TTPA: variants seen among roughly 807,000 people sequenced by gnomAD.
TTPA encodes the protein alpha-tocopherol transfer protein.
Under a neutral mutation model 25.9 loss-of-function variants are expected in TTPA, and 23 were observed. That is an observed-to-expected ratio of 0.89 (90% CI 0.64 to 1.26). The LOEUF (loss-of-function observed/expected upper bound fraction) is 1.26, where lower values mean the gene tolerates loss of function less well. Ranked by LOEUF, TTPA falls within the 50% of genes most tolerant of loss-of-function variation. The probability of loss-of-function intolerance (pLI) is 0.00; values close to 1 mark genes in which losing one functional copy is unlikely to be tolerated. For synonymous variants in TTPA, 148 were observed against 137.3 expected, an observed-to-expected ratio of 1.08 and a Z score of -0.54; for missense variants, 337 against 353.1, an observed-to-expected ratio of 0.95 and a Z score of 0.37.
At chr8:63,066,194 T>A in intron 2 of TTPA, 97 bp from the exon 3 acceptor site, 1 of 1,255,856 alleles carries the variant, frequency 8.0e-7, no homozygotes, top group Admixed American at 2.0e-5. Context: ...AAAGATCAGT[T>A]GAAATAAAAA....
Position 63,061,390 on chromosome 8 carries a change from C to T in TTPA, c.699G>A (p.Leu233=). Residue 233 remains leucine (L), a synonymous_variant, in exon 5 of 5, where the codon TTG becomes TTA. Transcript: ENST00000260116. The part of the protein sequence containing the change: ...HMHGNNYKQS[L]LQHFPDILPL... ...GAAGAATGTCTGGGAAATGCTGAAG[C>T]AAGCTTTGTTTGTAGTTGTTCCCAT... The T allele has an allele frequency of 1.2e-6, 2 of 1,613,998 alleles. No homozygotes were observed. Among genetic ancestry groups the T allele is most frequent in the African/African-American group, 2.7e-5 (2 of 75,050 alleles).
chr8:63,073,127 A>G (rs1286458484), intron 1 of TTPA, 39 bp from the exon 2 acceptor site: 4 of 1,510,588 alleles, frequency 2.6e-6, no homozygotes, highest in Non-Finnish European at 3.6e-6. Flanking sequence ...AATGGCATAC[A>G]TGGTAATGAT....
chr8:63,059,166 G>A (rs1029711550), downstream of TTPA, among the ~76,000 whole-genome samples: 9 of 148,174 alleles, frequency 6.1e-5, no homozygotes, highest in Non-Finnish European at 1.2e-4. Context: ...CAAGTAGCTG[G>A]GACTACAGGC....
intron 1 of TTPA, among the ~76,000 whole-genome samples, chr8:63,082,245 T>TA (rs1197105241): frequency 1.3e-5 from 2 of 152,098 alleles, no homozygotes; most frequent in Non-Finnish European, 2.9e-5. Context: ...CAAACTACGC[T>TA]ACAAGGCTAC....
chr8:63,073,357 T>A (rs929314524), intron 1 of TTPA, among the ~76,000 whole-genome samples: 1 of 152,166 alleles, frequency 6.6e-6, no homozygotes, highest in African/African-American at 2.4e-5. Context: ...CCTCCCCTCC[T>A]GATACCCATG....
Position 63,059,562 on chromosome 8 carries a change from C to A in TTPA, c.*1690G>T, listed in dbSNP as rs1260641575. On this transcript the variant is annotated 3_prime_UTR_variant, in exon 5 of 5. Transcript: ENST00000260116. ...TTAATGTATATGATTAATGTTGAAA[C>A]CTAACTAGCTGAACAAATGTTCAAC... Among the ~76,000 whole-genome samples, 1 of 152,020 alleles carries A rather than the reference C, an allele frequency of 6.6e-6. No homozygotes were observed. The highest frequency in any genetic ancestry group is 6.6e-5 in the Admixed American group (1 of 15,252).
At chr8:63,077,564 G>T (rs1274242899) in intron 1 of TTPA, among the ~76,000 whole-genome samples, 1 of 152,244 alleles carries the variant, frequency 6.6e-6, no homozygotes, top group Non-Finnish European at 1.5e-5. Context: ...CTGCTAGCGT[G>T]GCAGTCTGAG....
chr8:63,067,573 T>C (rs1224266936), intron 2 of TTPA, among the ~76,000 whole-genome samples: 3 of 151,046 alleles, frequency 2.0e-5, no homozygotes, highest in African/African-American at 7.3e-5. Flanking sequence ...AGTTCTGGCA[T>C]GGGAAACTGG....
chr8:63,081,308 T>C (rs1805660514), intron 1 of TTPA, among the ~76,000 whole-genome samples: 1 of 152,048 alleles, frequency 6.6e-6, no homozygotes, highest in Non-Finnish European at 1.5e-5. Context: ...CAAGTTGGCT[T>C]CATCCCTGGA....
intron 1 of TTPA, among the ~76,000 whole-genome samples, chr8:63,081,848 C>T (rs188655278): frequency 9.2e-5 from 14 of 152,120 alleles, no homozygotes; most frequent in East Asian, 3.9e-4. Context: ...ACACCAATAA[C>T]GGACAAACAG....
intron 4 of TTPA, among the ~76,000 whole-genome samples, chr8:63,063,395 G>T (rs1251977164): frequency 6.6e-6 from 1 of 152,136 alleles, no homozygotes; most frequent in Non-Finnish European, 1.5e-5. Flanking sequence ...CAGTATCTTT[G>T]CTCTAACTAG....
intron 3 of TTPA, among the ~76,000 whole-genome samples, chr8:63,065,640 A>G (rs1047721813): frequency 4.6e-5 from 7 of 152,198 alleles, no homozygotes; most frequent in Non-Finnish European, 1.0e-4. Context: ...TTAATGACAA[A>G]AAGATAAAGT....
At chr8:63,079,176 A>G (rs1174913359) in intron 1 of TTPA, among the ~76,000 whole-genome samples, 2 of 152,224 alleles carry the variant, frequency 1.3e-5, no homozygotes, top group Non-Finnish European at 2.9e-5. Context: ...AGAGCTCCTG[A>G]AAGAAGCATT....
At position 63,065,952 on chromosome 8, in the gene TTPA, A is replaced by G. The variant is rs766852761; in HGVS notation, c.504T>C (p.Ala168=). ...TGGCTACGGATGGAGTGATTTGAAA[A>G]GCATGAGAAAACTGCCAACCTTCCA... is the stretch of plus-strand genomic sequence containing the variant. ...FDLEGWQFSH[A]FQITPSVAKK... Residue 168 remains alanine, a synonymous_variant, in exon 3 of 5, where the codon GCT becomes GCC. Coordinates refer to ENST00000260116, the MANE Select transcript of TTPA (RefSeq NM_000370.3). 6.2e-7 allele frequency: 1 copy of G among 1,614,032 alleles called. No individual in the cohort carries two copies. The highest frequency in any genetic ancestry group is 8.5e-7 in the Non-Finnish European group (1 of 1,180,018).
At chr8:63,081,899 A>C (rs1563365876) in intron 1 of TTPA, among the ~76,000 whole-genome samples, 1 of 152,240 alleles carries the variant, frequency 6.6e-6, no homozygotes, top group African/African-American at 2.4e-5. Context: ...CAATTGCTAC[A>C]AACAGAATAA....
At chr8:63,074,128 T>C (rs980501048) in intron 1 of TTPA, among the ~76,000 whole-genome samples, 9 of 152,196 alleles carry the variant, frequency 5.9e-5, no homozygotes, top group Admixed American at 5.9e-4. Flanking sequence ...AAATGACAGA[T>C]TTTATATTTG....
intron 1 of TTPA, among the ~76,000 whole-genome samples, chr8:63,080,735 A>T (rs1805650440): frequency 1.5e-5 from 2 of 134,576 alleles, no homozygotes; most frequent in South Asian, 2.2e-4. Context: ...AAAAAAAAAA[A>T]TAAATAATAA....
chr8:63,061,417 C>T lies in TTPA; in HGVS notation c.672G>A (p.Met224Ile). Residue 224 changes from methionine (M) to isoleucine (I), a missense_variant, in exon 5 of 5, where the codon ATG becomes ATA. Transcript: ENST00000260116. Reference sequence around the variant, plus strand: ...AGCTTTGTTTGTAGTTGTTCCCATGCATGTGAATCTGAAATAGCCAAAACA... The same window carrying T: ...AGCTTTGTTTGTAGTTGTTCCCATGTATGTGAATCTGAAATAGCCAAAACA... ...LTEKIKERIH[M>I]HGNNYKQSLL... is the part of the protein sequence containing the mutation. 6.2e-7 allele frequency: 1 copy of T among 1,613,918 alleles called. No individual in the cohort carries two copies. Among genetic ancestry groups the T allele is most frequent in the Non-Finnish European group, 8.5e-7 (1 of 1,179,914 alleles).
At chr8:63,067,449 GA>G (rs146111895) in intron 2 of TTPA, among the ~76,000 whole-genome samples, 11,768 of 113,724 alleles carry the variant, frequency 0.1, 880 homozygotes, top group East Asian at 0.46. Context: ...CTCCAAAGCT[GA>G]AAAAAAAAAC....
Sources: gnomAD v4.1 joint callset for allele counts (sites outside exome capture counted in the v4.1 genomes callset) on GRCh38, gnomAD v4.1.1 for gene constraint, MANE v1.5 for transcripts, NCBI Gene and HGNC (gene_info 2026-07-23, HGNC 2026-07-21) for gene names.